Variants in PHF21A observed in about 807,000 individuals in gnomAD.
PHF21A encodes the protein BHC80a.
PHF21A carries 11 observed loss-of-function variants against 82.5 expected under a neutral mutation model. The ratio of observed to expected loss-of-function variants is 0.13; its 90% CI spans 0.08 to 0.22. PHF21A has a LOEUF of 0.22. Among genes scored for constraint, PHF21A ranks in the 10% least tolerant of loss-of-function variants. The pLI is 1.00. For synonymous variants in PHF21A, 297 were observed against 302.8 expected (o/e 0.98, Z 0.20); for missense variants, 579 against 837.8 (o/e 0.69, Z 3.81).
chr11:46,109,273 T>C lies in PHF21A; in HGVS notation c.-237+11662A>G, dbSNP rs1256513638. 2.6e-5 allele frequency among the ~76,000 whole-genome samples: 4 copies of C among 152,274 alleles called. No individual in the cohort carries two copies. The East Asian group carries it at 7.7e-4, about 29-fold the overall frequency. On this transcript the variant is annotated intron_variant, in intron 1 of 18. Transcript: ENST00000676320. ...ATGGAGGTAGGATAATAATAGTAAA[T>C]CCTCAGAATATTGCTGTGAGGATTA...
intron 6 of PHF21A, among the ~76,000 whole-genome samples, chr11:46,062,617 A>G (rs1487395804): frequency 6.6e-6 from 1 of 152,082 alleles, no homozygotes; most frequent in African/African-American, 2.4e-5. Context: ...TGACTTGCAC[A>G]TTAGCAGCTT....
chr11:45,986,084 A>AACACACACACACACACACACACACACAC (rs60179976), intron 6 of PHF21A, among the ~76,000 whole-genome samples: 2,211 of 132,218 alleles, frequency 0.017, 42 homozygotes, highest in Non-Finnish European at 0.022. Context: ...CTTCCTTCAA[A>AACACACACACACACACACACACACACAC]ACACACACAC....
intron 6 of PHF21A, among the ~76,000 whole-genome samples, chr11:46,034,042 AT>A (rs2095928412): frequency 1.3e-5 from 2 of 152,142 alleles, no homozygotes. Context: ...GGATATTTTA[AT>A]TTTTGCCAAT....
intron 6 of PHF21A, among the ~76,000 whole-genome samples, chr11:46,001,862 C>A (rs2095142722): frequency 6.6e-6 from 1 of 152,076 alleles, no homozygotes. Context: ...CTATGACAAC[C>A]CAGATGGGCC....
intron 4 of PHF21A, among the ~76,000 whole-genome samples, chr11:46,082,680 T>TA (rs1241027126): frequency 6.6e-6 from 1 of 152,154 alleles, no homozygotes; most frequent in Non-Finnish European, 1.5e-5. Flanking sequence ...TTTAAAATTT[T>TA]AATTAGATTT....
intron 6 of PHF21A, among the ~76,000 whole-genome samples, chr11:46,035,595 A>G (rs1370272008): frequency 2.6e-5 from 4 of 152,230 alleles, no homozygotes. Context: ...GATAAAGGGA[A>G]TAAGGTACAC....
At chr11:45,941,819 C>T (rs181405555) in intron 15 of PHF21A, among the ~76,000 whole-genome samples, 4 of 152,322 alleles carry the variant, frequency 2.6e-5, no homozygotes, top group Admixed American at 2.0e-4. Flanking sequence ...TTAGGAAGCA[C>T]TCTGGCAATA....
intron 6 of PHF21A, among the ~76,000 whole-genome samples, chr11:46,013,567 T>C (rs1223307933): frequency 6.6e-6 from 1 of 152,196 alleles, no homozygotes; most frequent in African/African-American, 2.4e-5. Context: ...CCATCTAAAG[T>C]AGACACAGTC....
intron 6 of PHF21A, among the ~76,000 whole-genome samples, chr11:45,994,674 TG>T (rs2094840807): frequency 6.6e-6 from 1 of 152,248 alleles, no homozygotes; most frequent in Non-Finnish European, 1.5e-5. Flanking sequence ...TCAGGGGTTT[TG>T]CTGTTGCATC....
intron 6 of PHF21A, among the ~76,000 whole-genome samples, chr11:46,033,957 T>A (rs1320864830): frequency 6.6e-6 from 1 of 152,234 alleles, no homozygotes; most frequent in Admixed American, 6.5e-5. Context: ...TTTTCCAAAG[T>A]TGTTGAACAA....
At chr11:46,002,545 C>T (rs2095166217) in intron 6 of PHF21A, among the ~76,000 whole-genome samples, 1 of 152,066 alleles carries the variant, frequency 6.6e-6, no homozygotes, top group African/African-American at 2.4e-5. Context: ...GGAATTCACA[C>T]ATGGCCTTTT....
At chr11:46,024,204 C>A (rs2095692613) in intron 6 of PHF21A, among the ~76,000 whole-genome samples, 1 of 152,150 alleles carries the variant, frequency 6.6e-6, no homozygotes, top group Admixed American at 6.5e-5. Flanking sequence ...CTGATCCAGG[C>A]ATAAATCTAC....
At chr11:46,053,974 G>A (rs969816111) in intron 6 of PHF21A, among the ~76,000 whole-genome samples, 1 of 152,046 alleles carries the variant, frequency 6.6e-6, no homozygotes, top group African/African-American at 2.4e-5. Flanking sequence ...CAGCATCCAC[G>A]ATTCCATTTG....
intron 6 of PHF21A, among the ~76,000 whole-genome samples, chr11:45,985,160 A>T (rs910395838): frequency 6.6e-6 from 1 of 152,114 alleles, no homozygotes; most frequent in Non-Finnish European, 1.5e-5. Context: ...GAACTTACTC[A>T]AAGAGGAAAA....
At chr11:46,073,327 CAAAA>C (rs748320509) in intron 6 of PHF21A, among the ~76,000 whole-genome samples, 2 of 84,166 alleles carry the variant, frequency 2.4e-5, no homozygotes. Context: ...GACCCCGTCT[CAAAA>C]AAAAAAAAAA....
intron 1 of PHF21A, among the ~76,000 whole-genome samples, chr11:46,115,759 T>C (rs181406324): frequency 1.3e-5 from 2 of 152,316 alleles, no homozygotes; most frequent in Non-Finnish European, 2.9e-5. Context: ...CCTAAAACTT[T>C]AATTCCTTCC....
chr11:46,006,185 T>C (rs2095290274), intron 6 of PHF21A, among the ~76,000 whole-genome samples: 1 of 152,194 alleles, frequency 6.6e-6, no homozygotes, highest in African/African-American at 2.4e-5. Flanking sequence ...AAGAGCCAAA[T>C]GATTTTAAAA....
chr11:45,965,707 C>T (rs962992286), intron 9 of PHF21A, 99 bp from the exon 10 acceptor site: 3 of 898,088 alleles, frequency 3.3e-6, no homozygotes, highest in Non-Finnish European at 5.0e-6. Flanking sequence ...GTGTTTAATA[C>T]ACTTATTAAT....
rs374279867 is a variant in PHF21A, at chr11:46,084,618, T to C, written c.-83-316A>G. ...TGAGTAAGACCACTTCTGTCTTCAATGAGACTATAACCATCCAGGACACAC... is the reference window on the plus strand; with the variant it reads ...TGAGTAAGACCACTTCTGTCTTCAACGAGACTATAACCATCCAGGACACAC... On this transcript the variant is annotated intron_variant, in intron 3 of 18. Transcript: ENST00000676320. Among the ~76,000 whole-genome samples the C allele has an allele frequency of 3.3e-5, 5 of 152,126 alleles. No homozygotes were observed. The East Asian group carries it at 9.7e-4, about 29-fold the overall frequency.
Sources: allele counts gnomAD v4.1 joint callset (sites outside exome capture counted in the v4.1 genomes callset), GRCh38; gene constraint gnomAD v4.1.1; transcripts MANE v1.5; gene names NCBI Gene and HGNC (gene_info 2026-07-23, HGNC 2026-07-21).